PTPRD: variants seen among roughly 807,000 people sequenced by gnomAD.
PTPRD encodes protein tyrosine phosphatase receptor type D, also known as receptor-type tyrosine-protein phosphatase delta.
In PTPRD, 34 loss-of-function variants were observed where a neutral mutation model predicts 214.5. The observed-to-expected ratio is 0.16, with a 90% CI of 0.12 to 0.21. The LOEUF (loss-of-function observed/expected upper bound fraction) is 0.21, where lower values mean the gene tolerates loss of function less well. Among genes scored for constraint, PTPRD ranks in the 10% least tolerant of loss-of-function variants. PTPRD has a pLI of 1.00. For synonymous variants in PTPRD, 1,128 were observed against 845.7 expected, an observed-to-expected ratio of 1.33 and a Z score of -5.79; for missense variants, 2,545 against 2,398.7, an observed-to-expected ratio of 1.06 and a Z score of -1.27.
chr9:8,386,059 C>G (rs2086911268), intron 37 of PTPRD, among the ~76,000 whole-genome samples: 2 of 152,174 alleles, frequency 1.3e-5, no homozygotes, highest in African/African-American at 2.4e-5. Context: ...CTTTACCAAA[C>G]AATACCATTT....
chr9:8,394,796 T>C (rs1564512804), intron 36 of PTPRD, among the ~76,000 whole-genome samples: 1 of 152,150 alleles, frequency 6.6e-6, no homozygotes, highest in Non-Finnish European at 1.5e-5. Flanking sequence ...CTACCTTTGA[T>C]GTGCTGAGAT....
intron 30 of PTPRD, among the ~76,000 whole-genome samples, chr9:8,477,063 T>C (rs2096779729): frequency 6.6e-6 from 1 of 151,860 alleles, no homozygotes; most frequent in South Asian, 2.1e-4. Context: ...GCAGCTAATA[T>C]GTGCCCTACA....
chr9:8,347,740 G>T (rs1447333044), intron 39 of PTPRD, among the ~76,000 whole-genome samples: 3 of 152,176 alleles, frequency 2.0e-5, no homozygotes, highest in Admixed American at 2.0e-4. Context: ...GGATGTCCTT[G>T]TAAGAGGAAG....
At chr9:9,702,458 G>T (rs997127004) in intron 7 of PTPRD, among the ~76,000 whole-genome samples, 2 of 152,264 alleles carry the variant, frequency 1.3e-5, no homozygotes, top group Middle Eastern at 3.4e-3. Flanking sequence ...GAAAATCCTT[G>T]CGTTTGATGG....
At chr9:8,326,409 A>G (rs535771956) in intron 44 of PTPRD, among the ~76,000 whole-genome samples, 1 of 152,230 alleles carries the variant, frequency 6.6e-6, no homozygotes, top group East Asian at 1.9e-4. Context: ...CTTGCATCCC[A>G]GGGATGAAGC....
chr9:9,476,227 T>G (rs1343128209), intron 8 of PTPRD, among the ~76,000 whole-genome samples: 1 of 152,198 alleles, frequency 6.6e-6, no homozygotes, highest in African/African-American at 2.4e-5. Flanking sequence ...TCTTGATGTA[T>G]AAACTCCTGC....
intron 8 of PTPRD, among the ~76,000 whole-genome samples, chr9:9,557,902 T>C (rs1372577354): frequency 6.6e-6 from 1 of 152,196 alleles, no homozygotes; most frequent in Non-Finnish European, 1.5e-5. Flanking sequence ...GCGGCAGCTC[T>C]CTTACACAGC....
At chr9:9,529,221 C>T (rs2074917669) in intron 8 of PTPRD, among the ~76,000 whole-genome samples, 1 of 150,402 alleles carries the variant, frequency 6.6e-6, no homozygotes, top group South Asian at 2.1e-4. Flanking sequence ...CGTGAGCCAC[C>T]ACGCCCACCG....
intron 7 of PTPRD, among the ~76,000 whole-genome samples, chr9:9,608,410 A>C (rs2094317918): frequency 6.6e-6 from 1 of 152,164 alleles, no homozygotes; most frequent in Non-Finnish European, 1.5e-5. Context: ...TAGGCTGTCC[A>C]GTAAGGGAAA....
intron 10 of PTPRD, among the ~76,000 whole-genome samples, chr9:9,127,019 C>G (rs2099835000): frequency 6.6e-6 from 1 of 151,670 alleles, no homozygotes; most frequent in African/African-American, 2.4e-5. Context: ...CACACACACA[C>G]ACTCAGGCTG....
At chr9:8,591,354 T>G (rs1214637703) in intron 14 of PTPRD, among the ~76,000 whole-genome samples, 1 of 152,188 alleles carries the variant, frequency 6.6e-6, no homozygotes, top group Non-Finnish European at 1.5e-5. Context: ...AATCATATTT[T>G]GCTCCTGCCT....
At chr9:10,508,450 A>T (rs1407813581) in intron 2 of PTPRD, among the ~76,000 whole-genome samples, 6 of 152,220 alleles carry the variant, frequency 3.9e-5, no homozygotes, top group Admixed American at 6.5e-5. Flanking sequence ...TACTGGGTAT[A>T]TACCCAAAGG....
intron 2 of PTPRD, among the ~76,000 whole-genome samples, chr9:10,574,832 A>C (rs1297410645): frequency 2.0e-5 from 3 of 148,644 alleles, no homozygotes; most frequent in South Asian, 4.2e-4. Context: ...ATATATATAT[A>C]TCTTAGATTC....
At chr9:8,333,887 T>G (rs893727094) in intron 43 of PTPRD, among the ~76,000 whole-genome samples, 30 of 151,614 alleles carry the variant, frequency 2.0e-4, no homozygotes, top group African/African-American at 7.3e-4. Flanking sequence ...AATCCTAGTC[T>G]CTGATAAAAC....
At chr9:8,772,006 C>G (rs1350732079) in intron 11 of PTPRD, among the ~76,000 whole-genome samples, 1 of 151,718 alleles carries the variant, frequency 6.6e-6, no homozygotes, top group Non-Finnish European at 1.5e-5. Context: ...AGATGGATAC[C>G]CCACCTACCC....
chr9:9,457,398 T>A (rs1162438866), intron 8 of PTPRD, among the ~76,000 whole-genome samples: 1 of 152,000 alleles, frequency 6.6e-6, no homozygotes, highest in African/African-American at 2.4e-5. Context: ...TGACTAAGTA[T>A]AAGAATTAAT....
intron 11 of PTPRD, among the ~76,000 whole-genome samples, chr9:8,833,711 T>TAC (rs1234155614): frequency 2.2e-5 from 3 of 137,570 alleles, no homozygotes; most frequent in South Asian, 2.4e-4. Flanking sequence ...TATATATATA[T>TAC]ATATACACAC....
Position 9,961,792 on chromosome 9 carries a change from T to C in PTPRD, c.-471-23182A>G, listed in dbSNP as rs150774890. 3.9e-3 allele frequency among the ~76,000 whole-genome samples: 601 copies of C among 152,206 alleles called. 24 individuals are homozygous for C. The East Asian group carries it at 0.1, about 26-fold the overall frequency. Reference sequence around the variant, plus strand: ...ATCAATTATAAAAATGTAACTACAATAAAATCTAGAAGTCACAGTCCATTA... The same window carrying C: ...ATCAATTATAAAAATGTAACTACAACAAAATCTAGAAGTCACAGTCCATTA... On this transcript the variant is annotated intron_variant, in intron 4 of 45. Transcript: ENST00000381196.
At chr9:9,984,140 AAAT>A (rs1315390678) in intron 4 of PTPRD, among the ~76,000 whole-genome samples, 1 of 152,202 alleles carries the variant, frequency 6.6e-6, no homozygotes, top group Non-Finnish European at 1.5e-5. Flanking sequence ...AAGTGAATAA[AAAT>A]AATAAAATAG....
Sources: gnomAD v4.1 joint callset for allele counts (sites outside exome capture counted in the v4.1 genomes callset) on GRCh38, gnomAD v4.1.1 for gene constraint, MANE v1.5 for transcripts, NCBI Gene and HGNC (gene_info 2026-07-23, HGNC 2026-07-21) for gene names.